Variants in VWC2 observed in about 807,000 individuals in gnomAD.
VWC2 encodes the protein brorin.
VWC2 carries 14 observed loss-of-function variants against 29.8 expected under a neutral mutation model. The observed-to-expected ratio is 0.47, with a 90% CI of 0.31 to 0.74. The LOEUF is 0.74. Ranked by LOEUF, VWC2 falls within the 30% of genes least tolerant of loss-of-function variation. The pLI, the probability that VWC2 is intolerant of heterozygous loss-of-function variation, is 0.05. For synonymous variants in VWC2, 213 were observed against 199.0 expected, an observed-to-expected ratio of 1.07 and a Z score of -0.59; for missense variants, 457 against 459.8, an observed-to-expected ratio of 0.99 and a Z score of 0.05.
Position 49,811,098 on chromosome 7 carries a change from A to G in VWC2, c.826+8258A>G, listed in dbSNP as rs573004015. ...TACAAGCCACAAACTTTGAGAAAAC[A>G]TTTGTAAATCATGTGTCTGATAAAA... On this transcript the variant is annotated intron_variant, in intron 3 of 3. Coordinates refer to ENST00000340652, the MANE Select transcript of VWC2 (RefSeq NM_198570.5). 7.2e-5 allele frequency among the ~76,000 whole-genome samples: 11 copies of G among 152,336 alleles called. No homozygotes were observed. In the East Asian group the frequency reaches 2.1e-3, roughly 29 times the overall value.
At chr7:49,899,790 T>G (rs1432485912) in intron 3 of VWC2, among the ~76,000 whole-genome samples, 8 of 151,942 alleles carry the variant, frequency 5.3e-5, no homozygotes, top group Admixed American at 5.2e-4. Context: ...AGTAAGGACA[T>G]AGTTGACCTG....
chr7:49,788,850 A>G (rs540150041), intron 2 of VWC2, among the ~76,000 whole-genome samples: 10 of 102,006 alleles, frequency 9.8e-5, no homozygotes, highest in Middle Eastern at 0.01. Context: ...GTGTGTGAGC[A>G]TGTGTGTGAG....
intron 2 of VWC2, among the ~76,000 whole-genome samples, chr7:49,798,022 C>A (rs1788636835): frequency 6.6e-6 from 1 of 152,216 alleles, no homozygotes; most frequent in African/African-American, 2.4e-5. Context: ...AAAATGATAA[C>A]TTTAGAAGAG....
chr7:49,872,751 CA>C lies in VWC2; in HGVS notation c.827-39268del, dbSNP rs34987652. Among the ~76,000 whole-genome samples the C allele has an allele frequency of 1.0e-3, 128 of 122,038 alleles. 2 individuals carry two copies. In the East Asian group the frequency reaches 0.012, roughly 11 times the overall value. 80.1% of individuals were successfully genotyped at this position (122,038 alleles called of 152,430 possible). A position where few individuals can be genotyped will look rare whatever the true frequency, so the allele number is the denominator to read the frequency against. On this transcript the variant is annotated intron_variant, in intron 3 of 3. Transcript: ENST00000340652. Reference sequence around the variant, plus strand: ...TGAAACCCCGTCTCTACAAAAAATACAAAAAAAAAAAAAAATTAGTCCGGTG... The same window carrying C: ...TGAAACCCCGTCTCTACAAAAAATACAAAAAAAAAAAAAATTAGTCCGGTG...
At chr7:49,802,595 A>G in intron 2 of VWC2, 116 bp from the exon 3 acceptor site, 3 of 1,383,340 alleles carry the variant, frequency 2.2e-6, no homozygotes, top group African/African-American at 1.4e-5. Flanking sequence ...CCGAGATCGC[A>G]CCACTGCACT....
chr7:49,810,135 A>T (rs1397425715), intron 3 of VWC2, among the ~76,000 whole-genome samples: 3 of 152,080 alleles, frequency 2.0e-5, no homozygotes, highest in African/African-American at 7.2e-5. Context: ...ATACACGTGC[A>T]TACACACACA....
chr7:49,789,548 C>A (rs766556118), intron 2 of VWC2, among the ~76,000 whole-genome samples: 8 of 152,060 alleles, frequency 5.3e-5, no homozygotes, highest in Non-Finnish European at 1.0e-4. Context: ...CCATGTCACA[C>A]CTGTCTTTTA....
rs192134850 is a variant in VWC2 at position 49,783,816 on chromosome 7, G to A, written c.696+7685G>A. Reference sequence around the variant, plus strand: ...TATAATCCCGGCAGTTCGGGAGGCCGAGCTGGGAGGATCACTTGAGCCCAG... The same window carrying A: ...TATAATCCCGGCAGTTCGGGAGGCCAAGCTGGGAGGATCACTTGAGCCCAG... On this transcript the variant is annotated intron_variant, in intron 2 of 3. Transcript: ENST00000340652. Among the ~76,000 whole-genome samples, 39 of 152,212 alleles carry A rather than the reference G, an allele frequency of 2.6e-4. No individual in the cohort carries two copies. In the South Asian group the frequency reaches 2.9e-3, roughly 11 times the overall value.
chr7:49,876,354 T>C lies in VWC2; in HGVS notation c.827-35680T>C, dbSNP rs577467756. 2.0e-5 allele frequency among the ~76,000 whole-genome samples: 3 copies of C among 152,286 alleles called. No homozygotes were observed. In the East Asian group the frequency reaches 5.8e-4, roughly 29 times the overall value. The stretch of plus-strand genomic sequence containing the variant: ...AATTTTTATTTTTCTGCCTTCCACT[T>C]TGTGGTTGACAAGACTGGCCAAGTC... On this transcript the variant is annotated intron_variant, in intron 3 of 3. Transcript: ENST00000340652.
intron 3 of VWC2, among the ~76,000 whole-genome samples, chr7:49,827,761 T>C (rs995206710): frequency 3.3e-5 from 5 of 152,184 alleles, no homozygotes; most frequent in Non-Finnish European, 7.4e-5. Context: ...GGGACTTCTC[T>C]AAATTGGGCA....
Position 49,921,078 on chromosome 7 carries a change from T to A in VWC2, c.*8893T>A, listed in dbSNP as rs1793996645. ...CCTAACAACTGTAACCACTAATAAA[T>A]CATCAGTCACCACCTTTCCTGCATA... On this transcript the variant is annotated 3_prime_UTR_variant, in exon 4 of 4. Coordinates refer to ENST00000340652, the MANE Select transcript of VWC2 (RefSeq NM_198570.5). 1 of 152,214 alleles carries A rather than the reference T, an allele frequency of 6.6e-6. No homozygotes were observed. Among genetic ancestry groups the A allele is most frequent in the Non-Finnish European group, 1.5e-5 (1 of 68,042 alleles). The allele number at this position is 152,214 out of a possible 1,614,324, so 9.4% of individuals were successfully genotyped here.
At chr7:49,775,283 G>C (rs1001446290) in intron 1 of VWC2, 50 bp from the exon 2 acceptor site, 7 of 351,976 alleles carry the variant, frequency 2.0e-5, no homozygotes, top group East Asian at 5.8e-5. Context: ...GCGGCGGGCC[G>C]GGGCGCGCGC....
intron 3 of VWC2, among the ~76,000 whole-genome samples, chr7:49,846,820 C>T (rs891496842): frequency 6.6e-6 from 1 of 152,158 alleles, no homozygotes; most frequent in African/African-American, 2.4e-5. Flanking sequence ...TTTCCCCAGC[C>T]TCATTTGACA....
chr7:49,919,114 C>T lies in VWC2; in HGVS notation c.*6929C>T, dbSNP rs907135787. 1 of 151,740 alleles carries T rather than the reference C, an allele frequency of 6.6e-6. No homozygotes were observed. The highest frequency in any genetic ancestry group is 1.5e-5 in the Non-Finnish European group (1 of 68,036). The allele number at this position is 151,740 out of a possible 1,614,324, so 9.4% of individuals were successfully genotyped here. ...CAAATCTGTCTGGTTCCAAAGCTATCCTACATGGGGCACAGTCAGGACTGG... is the reference window on the plus strand; with the variant it reads ...CAAATCTGTCTGGTTCCAAAGCTATTCTACATGGGGCACAGTCAGGACTGG... On this transcript the variant is annotated 3_prime_UTR_variant, in exon 4 of 4. Transcript: ENST00000340652.
chr7:49,851,303 T>C (rs543710102), intron 3 of VWC2, among the ~76,000 whole-genome samples: 2 of 152,168 alleles, frequency 1.3e-5, no homozygotes, highest in Admixed American at 6.5e-5. Flanking sequence ...TTAATTACAT[T>C]TGCAAAAACC....
In VWC2 at chr7:49,859,354, C is replaced by A. The variant is rs930076552; in HGVS notation, c.827-52680C>A. Among the ~76,000 whole-genome samples, 14 of 152,076 alleles carry A rather than the reference C, an allele frequency of 9.2e-5. No individual in the cohort carries two copies. In the South Asian group the frequency reaches 2.9e-3, roughly 32 times the overall value. Reference sequence around the variant, plus strand: ...GTCTGGTTTTTAAAATCTTATCCTCCTTAGGTAACAAGGCTGTTCTCATAT... The same window carrying A: ...GTCTGGTTTTTAAAATCTTATCCTCATTAGGTAACAAGGCTGTTCTCATAT... On this transcript the variant is annotated intron_variant, in intron 3 of 3. Transcript: ENST00000340652.
At chr7:49,848,149 TG>T (rs1297793552) in intron 3 of VWC2, among the ~76,000 whole-genome samples, 1 of 152,004 alleles carries the variant, frequency 6.6e-6, no homozygotes, top group Non-Finnish European at 1.5e-5. Context: ...GTCTAACCAG[TG>T]GGGGCTGGGG....
At chr7:49,783,808 G>A (rs900461004) in intron 2 of VWC2, among the ~76,000 whole-genome samples, 11 of 152,080 alleles carry the variant, frequency 7.2e-5, no homozygotes, top group Admixed American at 4.6e-4. Context: ...CCGGCAGTTC[G>A]GGAGGCCGAG....
intron 3 of VWC2, among the ~76,000 whole-genome samples, chr7:49,857,219 T>G (rs1304754725): frequency 2.0e-5 from 3 of 152,136 alleles, no homozygotes; most frequent in African/African-American, 7.2e-5. Context: ...ACCACCATTC[T>G]GGTTCAGCTC....
Sources: allele counts gnomAD v4.1 joint callset (sites outside exome capture counted in the v4.1 genomes callset), GRCh38; gene constraint gnomAD v4.1.1; transcripts MANE v1.5; gene names NCBI Gene and HGNC (gene_info 2026-07-23, HGNC 2026-07-21).